The following PIGK variants were observed in gnomAD, a reference collection of about 807,000 sequenced individuals.
PIGK encodes the protein phosphatidylinositol glycan anchor biosynthesis class K.
A neutral mutation model predicts 50.6 loss-of-function variants in PIGK; 42 were observed. The observed-to-expected ratio is 0.83, with a 90% CI of 0.65 to 1.07. PIGK has a LOEUF of 1.07. PIGK is among the 50% of genes least tolerant of loss of function. The probability of loss-of-function intolerance (pLI) is 0.00; values close to 1 mark genes in which losing one functional copy is unlikely to be tolerated. For missense variants in PIGK, 448 were observed against 488.7 expected, an observed-to-expected ratio of 0.92 and a Z score of 0.78; for synonymous variants, 151 against 156.0, an observed-to-expected ratio of 0.97 and a Z score of 0.24.
At chr1:77,194,911 T>A in intron 3 of PIGK, 1 of 505,598 alleles carries the variant, frequency 2.0e-6, no homozygotes, top group South Asian at 1.6e-5. Flanking sequence ...GGTGGTCAAA[T>A]GGATGGACAG....
Position 77,206,615 on chromosome 1 carries a change from G to T in PIGK, c.239+25C>A, listed in dbSNP as rs756127442. 4.8e-6 allele frequency: 6 copies of T among 1,254,528 alleles called. No individual in the cohort carries two copies. In the East Asian group the frequency reaches 1.2e-4, roughly 24 times the overall value. 77.7% of individuals were successfully genotyped at this position (1,254,528 alleles called of 1,614,324 possible). A position where few individuals can be genotyped will look rare whatever the true frequency, so the allele number is the denominator to read the frequency against. On this transcript the variant is annotated intron_variant, in intron 3 of 10. Coordinates refer to ENST00000370812, the MANE Select transcript of PIGK (RefSeq NM_005482.3). ...AGGGTTATTTTCACTGAAGTTCAAG[G>T]TTAAGCTTTATTAAGGCTTCTTACC...
intron 9 of PIGK, among the ~76,000 whole-genome samples, chr1:77,150,528 G>A (rs559333493): frequency 1.3e-5 from 2 of 150,466 alleles, no homozygotes; most frequent in East Asian, 3.9e-4. Flanking sequence ...AAAAGAAATT[G>A]AGACTAAAAA....
rs1347160849 is a variant in PIGK at position 77,206,793 on chromosome 1, T to TA, written c.148-63dup. The TA allele has an allele frequency of 7.0e-5, 67 of 958,196 alleles. No individual in the cohort carries two copies. In the East Asian group the frequency reaches 1.6e-3, roughly 23 times the overall value. The allele number at this position is 958,196 out of a possible 1,614,324, so 59.4% of individuals were successfully genotyped here. A position where few individuals can be genotyped will look rare whatever the true frequency, so the allele number is the denominator to read the frequency against. On this transcript the variant is annotated intron_variant, in intron 2 of 10. Transcript: ENST00000370812. Reference sequence around the variant, plus strand: ...CAAGGCTAACCATGGAGCTGCAGAGTATTTTTCTTTAAGTAGGATACAGAG... The same window carrying TA: ...CAAGGCTAACCATGGAGCTGCAGAGTAATTTTTCTTTAAGTAGGATACAGAG...
At chr1:77,101,254 T>C (rs910434096) in intron 10 of PIGK, among the ~76,000 whole-genome samples, 1 of 152,200 alleles carries the variant, frequency 6.6e-6, no homozygotes, top group South Asian at 2.1e-4. Flanking sequence ...TTTAAAAAAA[T>C]AGAAGTAAAG....
At chr1:77,130,142 A>G (rs1317581051) in intron 9 of PIGK, among the ~76,000 whole-genome samples, 1 of 149,250 alleles carries the variant, frequency 6.7e-6, no homozygotes, top group Non-Finnish European at 1.5e-5. Context: ...GATGTTACAA[A>G]TAACGTCACC....
intron 9 of PIGK, among the ~76,000 whole-genome samples, chr1:77,150,715 C>A (rs1035398411): frequency 6.6e-6 from 1 of 151,984 alleles, no homozygotes; most frequent in Non-Finnish European, 1.5e-5. Flanking sequence ...ATATCGTGAA[C>A]AAGTACATGC....
rs565124694 is a variant in PIGK at position 77,161,572 on chromosome 1, C to CA, written c.702+21dup. 9.9e-4 allele frequency: 1,104 copies of CA among 1,115,074 alleles called. 11 individuals carry two copies. In the African/African-American group the frequency reaches 0.015, roughly 16 times the overall value. 69.1% of individuals were successfully genotyped at this position (1,115,074 alleles called of 1,614,324 possible). A position where few individuals can be genotyped will look rare whatever the true frequency, so the allele number is the denominator to read the frequency against. On this transcript the variant is annotated intron_variant, in intron 7 of 10. Transcript: ENST00000370812. ...CTGCACATTCCAAAGACACAGTTTA[C>CA]AAATGGGGAAAATGCACATACCGAG...
intron 4 of PIGK, 51 bp downstream of exon 4, chr1:77,169,209 C>T (rs897605129): frequency 4.9e-6 from 6 of 1,224,260 alleles, no homozygotes; most frequent in Non-Finnish European, 6.7e-6. Flanking sequence ...TGTTTTAGAG[C>T]CTAAAAGTAA....
intron 5 of PIGK, among the ~76,000 whole-genome samples, chr1:77,165,997 G>T (rs1049873469): frequency 6.6e-6 from 1 of 152,112 alleles, no homozygotes; most frequent in Non-Finnish European, 1.5e-5. Flanking sequence ...AGGCAAAGTG[G>T]ACTGAAAAGA....
chr1:77,096,631 T>G (rs1653410713), intron 10 of PIGK, among the ~76,000 whole-genome samples: 1 of 152,124 alleles, frequency 6.6e-6, no homozygotes, highest in Non-Finnish European at 1.5e-5. Flanking sequence ...CACCACAGAC[T>G]CATGACGGAG....
intron 1 of PIGK, 130 bp downstream of exon 1, chr1:77,219,180 C>G: frequency 1.5e-6 from 1 of 674,938 alleles, no homozygotes; most frequent in South Asian, 1.7e-5. Context: ...CAGTGATACC[C>G]TCCTCAAACC....
rs191686958 is a variant in PIGK, at chr1:77,172,017, A to T, written c.240-2622T>A. Among the ~76,000 whole-genome samples, 7 of 152,164 alleles carry T rather than the reference A, an allele frequency of 4.6e-5. 1 individual carries two copies. The East Asian group carries it at 1.4e-3, about 29-fold the overall frequency. The stretch of plus-strand genomic sequence containing the variant: ...AAGATGACATTATTTTCCAAAAACT[A>T]AATGCCTGCTGCTGTGTTTAACAGA... On this transcript the variant is annotated intron_variant, in intron 3 of 10. Coordinates refer to ENST00000370812, the MANE Select transcript of PIGK (RefSeq NM_005482.3).
chr1:77,216,683 T>A (rs1656575525), intron 1 of PIGK, among the ~76,000 whole-genome samples: 1 of 151,898 alleles, frequency 6.6e-6, no homozygotes, highest in Non-Finnish European at 1.5e-5. Context: ...AACAGCTGCC[T>A]GGATGTTAAA....
Position 77,206,656 on chromosome 1 carries a change from G to C in PIGK, c.223C>G (p.Leu75Val). ...GCTTCTTACCTGTCAGGAATACCTA[G>C]CCTCTTGACACTTCTATAAACAGAA... ...TLSVYRSVKRLGIPDSHIVLM... is the reference protein window; with the variant it reads ...TLSVYRSVKRVGIPDSHIVLM... Residue 75 changes from leucine (L) to valine (V), a missense_variant, in exon 3 of 11, where the codon CTA becomes GTA. Leu to Val is a conservative substitution (Grantham distance 32, BLOSUM62 1). Coordinates refer to ENST00000370812, the MANE Select transcript of PIGK (RefSeq NM_005482.3). 1 of 1,600,534 alleles carries C rather than the reference G, an allele frequency of 6.2e-7. No individual in the cohort carries two copies. Among genetic ancestry groups the C allele is most frequent in the South Asian group, 1.1e-5 (1 of 90,676 alleles).
intron 3 of PIGK, among the ~76,000 whole-genome samples, chr1:77,193,233 T>C (rs1655951330): frequency 1.4e-5 from 2 of 138,998 alleles, no homozygotes; most frequent in African/African-American, 3.1e-5. Context: ...TAGCTGACAG[T>C]GTGGCATGAG....
At chr1:77,119,375 GTTCTCTTCAC>G (rs1654045298) in intron 10 of PIGK, among the ~76,000 whole-genome samples, 1 of 152,036 alleles carries the variant, frequency 6.6e-6, no homozygotes, top group African/African-American at 2.4e-5. Flanking sequence ...TTATTTTATA[GTTCTCTTCAC>G]TGCTGTGACA....
At chr1:77,161,836 G>C (rs1462873749) in intron 6 of PIGK, 125 bp from the exon 7 acceptor site, 1 of 647,060 alleles carries the variant, frequency 1.5e-6, no homozygotes, top group Non-Finnish European at 2.8e-6. Flanking sequence ...AAAGTTTTCA[G>C]CAGAATTCCC....
chr1:77,161,616 T>A lies in PIGK; in HGVS notation c.680A>T (p.Gln227Leu), dbSNP rs1469011345. 4.6e-6 allele frequency: 7 copies of A among 1,519,316 alleles called. No homozygotes were observed. The highest frequency in any genetic ancestry group is 5.5e-6 in the Non-Finnish European group (6 of 1,093,528). 94.1% of individuals were successfully genotyped at this position (1,519,316 alleles called of 1,614,324 possible). The part of the protein sequence containing the change: ...SPNIMALASS[Q>L]VGEDSLSHQP... ...TACCGAGAGTGAATCTTCTCCCACT[T>A]GACTACTAGCTAGAGCCATTATGTT... The change falls in exon 7 of 11, where the codon CAA becomes CTA. Residue 227 changes from glutamine (Q) to leucine (L), a missense_variant. By Grantham distance (113) the Gln-to-Leu change is moderately radical. Coordinates refer to ENST00000370812, the MANE Select transcript of PIGK (RefSeq NM_005482.3).
intron 2 of PIGK, among the ~76,000 whole-genome samples, chr1:77,207,587 T>C (rs747295101): frequency 6.6e-6 from 1 of 151,614 alleles, no homozygotes; most frequent in Non-Finnish European, 1.5e-5. Context: ...CCAAGTTTTA[T>C]AGTTTAAAAA....
Sources: allele counts gnomAD v4.1 joint callset (sites outside exome capture counted in the v4.1 genomes callset), GRCh38; gene constraint gnomAD v4.1.1; transcripts MANE v1.5; gene names NCBI Gene and HGNC (gene_info 2026-07-23, HGNC 2026-07-21).